The following TAF4 variants were observed in gnomAD, a reference collection of about 807,000 sequenced individuals.
The protein encoded by TAF4 is TATA-box binding protein associated factor 4.
A neutral mutation model predicts 90.3 loss-of-function variants in TAF4; 9 were observed. The ratio of observed to expected loss-of-function variants is 0.10; its 90% CI spans 0.06 to 0.17. The LOEUF (loss-of-function observed/expected upper bound fraction) is 0.17. Ranked by LOEUF, TAF4 falls within the 10% of genes least tolerant of loss-of-function variation. The pLI, the probability that TAF4 is intolerant of heterozygous loss-of-function variation, is 1.00. For synonymous variants in TAF4, 818 were observed against 638.9 expected (o/e 1.28, Z -4.23); for missense variants, 1,351 against 1,370.7 (o/e 0.99, Z 0.23).
chr20:62,049,716 G>A (rs1434849279), intron 1 of TAF4, among the ~76,000 whole-genome samples: 1 of 142,568 alleles, frequency 7.0e-6, no homozygotes, highest in African/African-American at 2.6e-5. Context: ...CTGCCACCAG[G>A]GTCACTCCAG....
At chr20:62,032,911 C>T (rs967087370) in intron 1 of TAF4, among the ~76,000 whole-genome samples, 1 of 152,204 alleles carries the variant, frequency 6.6e-6, no homozygotes, top group Admixed American at 6.5e-5. Flanking sequence ...GGAAGGGAAG[C>T]TGCCCAGCCC....
intron 1 of TAF4, among the ~76,000 whole-genome samples, chr20:62,019,922 G>A (rs1348054766): frequency 6.6e-6 from 1 of 152,190 alleles, no homozygotes; most frequent in Non-Finnish European, 1.5e-5. Context: ...GCCGGGTGCC[G>A]CAGGCCGCCC....
chr20:62,061,673 G>A (rs147761110), intron 1 of TAF4, among the ~76,000 whole-genome samples: 8 of 152,242 alleles, frequency 5.3e-5, no homozygotes, highest in South Asian at 2.1e-4. Context: ...TGACTATGAC[G>A]TTATGACTAT....
intron 2 of TAF4, among the ~76,000 whole-genome samples, chr20:62,013,740 G>A (rs1027998363): frequency 1.3e-5 from 2 of 152,226 alleles, no homozygotes; most frequent in Admixed American, 6.5e-5. Context: ...GGCAGGAGAC[G>A]GGGCAGGAAC....
chr20:62,046,670 T>A (rs918268751), intron 1 of TAF4, among the ~76,000 whole-genome samples: 2 of 152,184 alleles, frequency 1.3e-5, no homozygotes, highest in African/African-American at 4.8e-5. Flanking sequence ...AGTACTTAAC[T>A]TTTTACGCTT....
chr20:61,994,909 G>A (rs778479996), intron 14 of TAF4, among the ~76,000 whole-genome samples: 63 of 152,282 alleles, frequency 4.1e-4, no homozygotes, highest in African/African-American at 1.4e-3. Flanking sequence ...TTCCTTGTAC[G>A]TAAGGATCAC....
intron 1 of TAF4, among the ~76,000 whole-genome samples, chr20:62,034,042 C>CA (rs753709978): frequency 2.6e-3 from 257 of 99,146 alleles, no homozygotes; most frequent in Middle Eastern, 0.011. Flanking sequence ...ACTCTGTCTC[C>CA]AAAAAAAAAA....
rs1035284350 is a variant in TAF4, at chr20:62,006,887, G to T, written c.1975-129C>A. On this transcript the variant is annotated intron_variant, in intron 6 of 14. Transcript: ENST00000252996. This position sits in a 1 kb window ranked among gnomAD's most constrained non-coding sequence, Gnocchi z 7.0. Reference sequence around the variant, plus strand: ...AAGTAAGATGGATCTTGGCCCTCACGGCAGCATGTCTGGATGTCAAGGGCC... The same window carrying T: ...AAGTAAGATGGATCTTGGCCCTCACTGCAGCATGTCTGGATGTCAAGGGCC... 3.2e-6 allele frequency: 4 copies of T among 1,267,180 alleles called. No homozygotes were observed. Among genetic ancestry groups the T allele is most frequent in the Non-Finnish European group, 4.1e-6 (4 of 984,680 alleles). The allele number at this position is 1,267,180 out of a possible 1,614,324, so 78.5% of individuals were successfully genotyped here.
chr20:62,064,379 G>C, intron 1 of TAF4, 72 bp downstream of exon 1: 1 of 1,273,070 alleles, frequency 7.9e-7, no homozygotes, highest in Non-Finnish European at 1.0e-6. Flanking sequence ...TCCACCAGCG[G>C]AGAACTTCCT....
At chr20:61,992,819 G>A (rs1014734327) in intron 14 of TAF4, among the ~76,000 whole-genome samples, 4 of 152,170 alleles carry the variant, frequency 2.6e-5, no homozygotes, top group Admixed American at 6.5e-5. Flanking sequence ...TCAGCCCCAC[G>A]TCCCAGCGTG....
At chr20:62,063,596 G>C (rs940488325) in intron 1 of TAF4, among the ~76,000 whole-genome samples, 8 of 152,082 alleles carry the variant, frequency 5.3e-5, no homozygotes, top group Admixed American at 2.0e-4. Context: ...GGAGCCCCAG[G>C]CATCCGCAGC....
intron 1 of TAF4, among the ~76,000 whole-genome samples, chr20:62,020,086 T>A (rs1432565433): frequency 6.6e-6 from 1 of 152,090 alleles, no homozygotes; most frequent in Non-Finnish European, 1.5e-5. Flanking sequence ...TCAGGACACA[T>A]CCCTCCACAG....
intron 1 of TAF4, among the ~76,000 whole-genome samples, chr20:62,024,605 A>C (rs1387030621): frequency 6.6e-6 from 1 of 152,246 alleles, no homozygotes; most frequent in Admixed American, 6.5e-5. Context: ...GTGGTGGCTC[A>C]TGCCTGTAAT....
Position 62,010,253 on chromosome 20 carries a change from C to T in TAF4, c.1642-88G>A. 6.3e-7 allele frequency: 1 copy of T among 1,594,818 alleles called. No homozygotes were observed. Among genetic ancestry groups the T allele is most frequent in the African/African-American group, 1.3e-5 (1 of 74,550 alleles). On this transcript the variant is annotated intron_variant, in intron 3 of 14. Transcript: ENST00000252996. This position sits in a 1 kb window ranked among gnomAD's most constrained non-coding sequence, Gnocchi z 4.5. ...CAGCCTCACGCCCAGCAAAAGAAAA[C>T]AAGCCTCCCTGCGGTGGCCAGGACG...
intron 14 of TAF4, among the ~76,000 whole-genome samples, chr20:61,984,416 C>G (rs2055570062): frequency 6.6e-6 from 1 of 152,238 alleles, no homozygotes; most frequent in African/African-American, 2.4e-5. Context: ...CAGCAGGCCT[C>G]CAACAGCACG....
chr20:62,015,647 G>A (rs1223612291), intron 1 of TAF4, among the ~76,000 whole-genome samples: 6 of 152,196 alleles, frequency 3.9e-5, no homozygotes, highest in African/African-American at 1.4e-4. Context: ...GGCACAGGGG[G>A]CGGCCACTGC....
intron 1 of TAF4, among the ~76,000 whole-genome samples, chr20:62,063,620 C>CCATCG (rs1315680169): frequency 1.3e-5 from 2 of 152,120 alleles, no homozygotes; most frequent in African/African-American, 2.4e-5. Flanking sequence ...GCCAGTATCG[C>CCATCG]CCCGAGACCC....
intron 1 of TAF4, among the ~76,000 whole-genome samples, chr20:62,027,450 A>G (rs2055881334): frequency 6.6e-6 from 1 of 152,124 alleles, no homozygotes; most frequent in African/African-American, 2.4e-5. Context: ...CCCTCAACGC[A>G]AGCTCCCTGG....
chr20:62,007,833 A>T, intron 5 of TAF4, 197 bp from the exon 6 acceptor site: 1 of 512,010 alleles, frequency 2.0e-6, no homozygotes, highest in East Asian at 3.8e-5. Flanking sequence ...ACTGCAGTGC[A>T]GCCAGCTGCG....
Sources: allele counts gnomAD v4.1 joint callset (sites outside exome capture counted in the v4.1 genomes callset), GRCh38; gene constraint gnomAD v4.1.1; non-coding constraint Gnocchi (gnomAD v3.1); transcripts MANE v1.5; gene names NCBI Gene and HGNC (gene_info 2026-07-23, HGNC 2026-07-21).